NIPBL: variants seen among roughly 807,000 people sequenced by gnomAD.
NIPBL encodes nipped-B-like protein.
Under a neutral mutation model 321.8 loss-of-function variants are expected in NIPBL, and 19 were observed. That is an observed-to-expected ratio of 0.06 (90% CI 0.04 to 0.09). NIPBL has a LOEUF of 0.09. Among genes scored for constraint, NIPBL ranks in the 10% least tolerant of loss-of-function variants. The pLI is 1.00. For missense variants in NIPBL, 2,210 were observed against 3,327.0 expected (o/e 0.66, Z 8.26); for synonymous variants, 1,106 against 1,114.1 (o/e 0.99, Z 0.14).
rs587783921 is a variant in NIPBL, at chr5:37,000,508, G to A, written c.3440G>A (p.Arg1147Gln). The change falls in exon 12 of 47, where the codon CGA becomes CAA. Residue 1147 changes from arginine (R) to glutamine (Q), a missense_variant. Physicochemically the swap from Arg to Gln is conservative, Grantham distance 43. Around this residue, in one of 14 missense-constraint regions of NIPBL, gnomAD observed 381 missense variants for 642.3 expected, o/e 0.59. Coordinates refer to ENST00000282516, the MANE Select transcript of NIPBL (RefSeq NM_133433.4). ...GRRSSGGGRY[R>Q]NRSPSDSDME... ...AGGAGTTCAGGTGGTGGTCGTTATC[G>A]AAACCGAAGTCCGTCAGATTCTGAC... 2 of 1,613,414 alleles carry A rather than the reference G, an allele frequency of 1.2e-6. No homozygotes were observed. Among genetic ancestry groups the A allele is most frequent in the Non-Finnish European group, 1.7e-6 (2 of 1,179,536 alleles).
At chr5:36,943,017 A>G (rs1739284850) in intron 1 of NIPBL, among the ~76,000 whole-genome samples, 1 of 152,146 alleles carries the variant, frequency 6.6e-6, no homozygotes, top group Admixed American at 6.5e-5. Flanking sequence ...CTTCTATTAC[A>G]GAAAACTATA....
At chr5:37,064,436 C>T (rs912524435) in intron 46 of NIPBL, 91 bp from the exon 47 acceptor site, 6 of 1,582,240 alleles carry the variant, frequency 3.8e-6, no homozygotes, top group Non-Finnish European at 4.3e-6. Flanking sequence ...CAACTCCCGG[C>T]GTCAAGGGAT....
chr5:36,995,476 G>GT, intron 10 of NIPBL, 146 bp from the exon 11 acceptor site: 2 of 617,850 alleles, frequency 3.2e-6, no homozygotes, highest in Non-Finnish European at 5.6e-6. Context: ...TCACTTTAGG[G>GT]TTAAGAGTAT....
At chr5:36,967,031 TG>T (rs1742285480) in intron 6 of NIPBL, among the ~76,000 whole-genome samples, 1 of 151,846 alleles carries the variant, frequency 6.6e-6, no homozygotes, top group African/African-American at 2.4e-5. Context: ...AAAACAAATA[TG>T]GGGGATATAT....
chr5:36,877,261 C>G (rs909238783), intron 1 of NIPBL, 83 bp downstream of exon 1: 1 of 167,532 alleles, frequency 6.0e-6, no homozygotes, highest in East Asian at 1.6e-4. Flanking sequence ...CGCTCCCCTC[C>G]CCGCCGTTTC....
chr5:36,951,910 A>G (rs530389635), intron 1 of NIPBL, among the ~76,000 whole-genome samples: 1 of 152,124 alleles, frequency 6.6e-6, no homozygotes, highest in South Asian at 2.1e-4. Context: ...AAGAAAAAAG[A>G]GGAAATGATT....
chr5:36,975,076 G>A (rs1743293017), intron 8 of NIPBL, among the ~76,000 whole-genome samples: 1 of 151,730 alleles, frequency 6.6e-6, no homozygotes, highest in Non-Finnish European at 1.5e-5. Context: ...TGGACTCTGG[G>A]CTCAATATAT....
At chr5:37,018,234 C>T (rs1749210878) in intron 24 of NIPBL, among the ~76,000 whole-genome samples, 1 of 152,162 alleles carries the variant, frequency 6.6e-6, no homozygotes, top group African/African-American at 2.4e-5. Flanking sequence ...GTGTATATTT[C>T]TGCAAACAAG....
intron 11 of NIPBL, among the ~76,000 whole-genome samples, chr5:36,998,744 G>A (rs1746436383): frequency 1.3e-5 from 2 of 151,970 alleles, no homozygotes; most frequent in African/African-American, 2.4e-5. Flanking sequence ...AAACATCTAA[G>A]GAATTATATA....
intron 32 of NIPBL, among the ~76,000 whole-genome samples, chr5:37,033,725 TATATA>T (rs202012297): frequency 1.4e-4 from 13 of 93,352 alleles, no homozygotes; most frequent in Admixed American, 6.4e-4. Context: ...TATATATATA[TATATA>T]TTTTTTTTTT....
chr5:37,038,764 G>A (rs201321470), intron 34 of NIPBL, 26 bp downstream of exon 34: 2 of 1,608,470 alleles, frequency 1.2e-6, no homozygotes, highest in South Asian at 2.2e-5. Context: ...TCTTATTCTT[G>A]TATCTTACAT....
At chr5:37,001,896 A>C (rs927790857) in intron 14 of NIPBL, among the ~76,000 whole-genome samples, 1 of 152,168 alleles carries the variant, frequency 6.6e-6, no homozygotes, top group Non-Finnish European at 1.5e-5. Context: ...TTTTGTGAGA[A>C]TTACTTGCCT....
At position 37,035,327 on chromosome 5, in the gene NIPBL, G is replaced by C. The variant is rs549596217; in HGVS notation, c.5863-1052G>C. ...CTGCTTTAAGGAAATTAGAGAATGG[G>C]GCAGGAAGAATTTGCGGTTCATAGT... On this transcript the variant is annotated intron_variant, in intron 32 of 46. Coordinates refer to ENST00000282516, the MANE Select transcript of NIPBL (RefSeq NM_133433.4). Among the ~76,000 whole-genome samples the C allele has an allele frequency of 9.9e-5, 15 of 152,272 alleles. No individual in the cohort carries two copies. The South Asian group carries it at 2.9e-3, about 29-fold the overall frequency.
At chr5:37,044,595 A>G (rs778613635) in intron 35 of NIPBL, 41 bp from the exon 36 acceptor site, 9 of 1,579,970 alleles carry the variant, frequency 5.7e-6, no homozygotes, top group Non-Finnish European at 7.8e-6. Context: ...TTAAAATAGT[A>G]TATTTTTAAC....
intron 16 of NIPBL, among the ~76,000 whole-genome samples, chr5:37,004,517 A>G (rs1019246248): frequency 2.7e-5 from 4 of 150,896 alleles, no homozygotes; most frequent in Non-Finnish European, 5.9e-5. Context: ...TGATCCTCCC[A>G]CCTCAGCCTC....
Position 36,877,093 on chromosome 5 carries a change from T to G in NIPBL, c.-165T>G. The G allele has an allele frequency of 1.3e-5, 4 of 309,698 alleles. No homozygotes were observed. Among genetic ancestry groups the G allele is most frequent in the Admixed American group, 5.0e-5 (1 of 20,010 alleles). 19.2% of individuals were successfully genotyped at this position (309,698 alleles called of 1,614,324 possible). A position where few individuals can be genotyped will look rare whatever the true frequency, so the allele number is the denominator to read the frequency against. ...CACTGAGGAGACGGAAGAGGAGCCG[T>G]AGCCACCCCCCCTCCCGGCCCGGAT... On this transcript the variant is annotated 5_prime_UTR_variant, in exon 1 of 47. Coordinates refer to ENST00000282516, the MANE Select transcript of NIPBL (RefSeq NM_133433.4).
chr5:37,012,708 G>A (rs1748314387), intron 21 of NIPBL, among the ~76,000 whole-genome samples: 1 of 152,042 alleles, frequency 6.6e-6, no homozygotes, highest in African/African-American at 2.4e-5. Context: ...GTTTAACAAA[G>A]CACATCTTGC....
At chr5:37,064,317 C>A in intron 46 of NIPBL, 1 of 1,423,268 alleles carries the variant, frequency 7.0e-7, no homozygotes, top group Non-Finnish European at 9.1e-7. Flanking sequence ...AGAGTAAAGA[C>A]ACGGGTACAA....
At chr5:37,050,335 A>G (rs1425199463) in intron 40 of NIPBL, among the ~76,000 whole-genome samples, 3 of 151,988 alleles carry the variant, frequency 2.0e-5, no homozygotes, top group Non-Finnish European at 2.9e-5. Context: ...GTGGTGGCAC[A>G]TGCCTGTGGT....
Sources: gnomAD v4.1 joint callset for allele counts (sites outside exome capture counted in the v4.1 genomes callset) on GRCh38, gnomAD v4.1.1 for gene constraint, gnomAD v4.1.1 regional missense constraint, MANE v1.5 for transcripts, NCBI Gene and HGNC (gene_info 2026-07-23, HGNC 2026-07-21) for gene names.